GREB1L: variants seen among roughly 807,000 people sequenced by gnomAD.
GREB1L encodes GREB1-like protein.
In GREB1L, 17 loss-of-function variants were observed where a neutral mutation model predicts 200.8. The observed-to-expected ratio is 0.08, with a 90% CI of 0.06 to 0.13. The LOEUF (loss-of-function observed/expected upper bound fraction) is 0.13, where lower values mean the gene tolerates loss of function less well. GREB1L is among the 10% of genes least tolerant of loss of function. The pLI is 1.00. For missense variants in GREB1L, 1,657 were observed against 2,367.7 expected (o/e 0.70, Z 6.23); for synonymous variants, 789 against 893.0 (o/e 0.88, Z 2.08).
chr18:21,344,477 A>G (rs1231784889), intron 1 of GREB1L, among the ~76,000 whole-genome samples: 1 of 152,090 alleles, frequency 6.6e-6, no homozygotes, highest in Non-Finnish European at 1.5e-5. Flanking sequence ...TCTCCATTGC[A>G]ACTGACAGTG....
rs535657527 is a variant in GREB1L, at chr18:21,502,889, G to A, written c.4072+2247G>A. On this transcript the variant is annotated intron_variant, in intron 23 of 32. Coordinates refer to ENST00000424526, the MANE Select transcript of GREB1L (RefSeq NM_001142966.3). ...GTGATCTTGACTCTTACTCTGTGCC[G>A]GTGAGCTGTGAGAGTCTGCTACAGC... 2.4e-4 allele frequency among the ~76,000 whole-genome samples: 37 copies of A among 152,268 alleles called. 1 individual carries two copies. The South Asian group carries it at 5.8e-3, about 24-fold the overall frequency.
intron 2 of GREB1L, among the ~76,000 whole-genome samples, chr18:21,373,451 A>G (rs577319116): frequency 1.3e-5 from 2 of 152,166 alleles, no homozygotes; most frequent in Non-Finnish European, 2.9e-5. Flanking sequence ...CTCCTGCCTC[A>G]GTCTCCCGAG....
At chr18:21,297,963 T>C (rs1226356551) in intron 1 of GREB1L, among the ~76,000 whole-genome samples, 1 of 152,036 alleles carries the variant, frequency 6.6e-6, no homozygotes, top group Non-Finnish European at 1.5e-5. Context: ...AAAACAATGA[T>C]GGCCATCATT....
At chr18:21,354,062 T>A (rs1435755500) in intron 1 of GREB1L, among the ~76,000 whole-genome samples, 1 of 152,204 alleles carries the variant, frequency 6.6e-6, no homozygotes, top group Non-Finnish European at 1.5e-5. Context: ...GTGCTGGGAT[T>A]ACAGGTGTGA....
chr18:21,467,478 G>T (rs2035301892), intron 15 of GREB1L, among the ~76,000 whole-genome samples: 1 of 152,132 alleles, frequency 6.6e-6, no homozygotes, highest in South Asian at 2.1e-4. Flanking sequence ...AATGGCCAAT[G>T]AACACATGAA....
chr18:21,252,212 C>T (rs2037717422), intron 1 of GREB1L, among the ~76,000 whole-genome samples: 2 of 152,056 alleles, frequency 1.3e-5, no homozygotes, highest in Non-Finnish European at 2.9e-5. Context: ...TTAAAATTTC[C>T]AGAAGTAGTT....
Position 21,515,747 on chromosome 18 carries a change from A to G in GREB1L, c.5129+103A>G, listed in dbSNP as rs1357638581. The G allele has an allele frequency of 3.6e-6, 3 of 844,690 alleles. No homozygotes were observed. The African/African-American group carries it at 5.1e-5, about 14-fold the overall frequency. The allele number at this position is 844,690 out of a possible 1,614,324, so 52.3% of individuals were successfully genotyped here. ...TTTATTCGTATGTCTTCAGTTGAGAAGCTGACTCTTTATGTGGGCAAGGAG... is the reference window on the plus strand; with the variant it reads ...TTTATTCGTATGTCTTCAGTTGAGAGGCTGACTCTTTATGTGGGCAAGGAG... On this transcript the variant is annotated intron_variant, in intron 29 of 32. Transcript: ENST00000424526.
chr18:21,295,116 G>A (rs957097949), intron 1 of GREB1L, among the ~76,000 whole-genome samples: 3 of 152,192 alleles, frequency 2.0e-5, no homozygotes, highest in African/African-American at 7.2e-5. Flanking sequence ...TACTAAAAAT[G>A]TCTCTTCTTT....
At chr18:21,492,243 G>C (rs1018703878) in intron 19 of GREB1L, among the ~76,000 whole-genome samples, 2 of 152,080 alleles carry the variant, frequency 1.3e-5, no homozygotes, top group Non-Finnish European at 2.9e-5. Context: ...CTACTCGGGA[G>C]GCTGAGGCAG....
chr18:21,397,524 CAAAAAAAA>C (rs10719044), intron 5 of GREB1L, among the ~76,000 whole-genome samples: 1 of 103,358 alleles, frequency 9.7e-6, no homozygotes, highest in Non-Finnish European at 2.1e-5. Context: ...GACTCCGTCT[CAAAAAAAA>C]AAAAAAAAAA....
chr18:21,450,149 T>G (rs1212425866), intron 12 of GREB1L, among the ~76,000 whole-genome samples: 1 of 152,250 alleles, frequency 6.6e-6, no homozygotes, highest in Non-Finnish European at 1.5e-5. Context: ...CTCTAGCATG[T>G]GATAAAGCCA....
At chr18:21,409,526 A>G (rs1350397059) in intron 7 of GREB1L, among the ~76,000 whole-genome samples, 1 of 152,242 alleles carries the variant, frequency 6.6e-6, no homozygotes, top group Non-Finnish European at 1.5e-5. Flanking sequence ...TTTTATACAT[A>G]AAGTATGCCT....
At chr18:21,458,723 A>G (rs1180340394) in intron 15 of GREB1L, among the ~76,000 whole-genome samples, 1 of 152,256 alleles carries the variant, frequency 6.6e-6, no homozygotes, top group Non-Finnish European at 1.5e-5. Flanking sequence ...GTTAAAAAAA[A>G]AGAAATGGAG....
chr18:21,464,973 A>G (rs2035210312), intron 15 of GREB1L, among the ~76,000 whole-genome samples: 1 of 152,188 alleles, frequency 6.6e-6, no homozygotes, highest in Non-Finnish European at 1.5e-5. Context: ...ATAATAATTC[A>G]TTTATTTTTT....
At chr18:21,316,133 CATG>C (rs1003839669) in intron 1 of GREB1L, among the ~76,000 whole-genome samples, 1 of 152,138 alleles carries the variant, frequency 6.6e-6, no homozygotes, top group African/African-American at 2.4e-5. Context: ...CCGCCCATCA[CATG>C]ATGAGGAAAG....
chr18:21,469,357 A>C (rs550403276), intron 15 of GREB1L, among the ~76,000 whole-genome samples: 1 of 152,208 alleles, frequency 6.6e-6, no homozygotes, highest in Non-Finnish European at 1.5e-5. Flanking sequence ...TATTTTGCTC[A>C]AATTTTCCAG....
chr18:21,478,176 A>G (rs1432689743), intron 17 of GREB1L, among the ~76,000 whole-genome samples: 1 of 152,168 alleles, frequency 6.6e-6, no homozygotes, highest in African/African-American at 2.4e-5. Context: ...AGTCTTCTGT[A>G]TGAAATGGGA....
chr18:21,441,324 T>C, intron 9 of GREB1L, 76 bp from the exon 10 acceptor site: 2 of 1,252,966 alleles, frequency 1.6e-6, no homozygotes, highest in Non-Finnish European at 2.2e-6. Flanking sequence ...GTTAAAAGTA[T>C]TAAAACTGCA....
At chr18:21,405,167 C>T (rs2030030645) in intron 7 of GREB1L, among the ~76,000 whole-genome samples, 1 of 152,168 alleles carries the variant, frequency 6.6e-6, no homozygotes. Flanking sequence ...AGGCTCTGAT[C>T]TAAGAGAATA....
Sources: allele counts gnomAD v4.1 joint callset (sites outside exome capture counted in the v4.1 genomes callset), GRCh38; gene constraint gnomAD v4.1.1; transcripts MANE v1.5; gene names NCBI Gene and HGNC (gene_info 2026-07-23, HGNC 2026-07-21).